Variants in SUSD6 observed in about 807,000 individuals in gnomAD.
SUSD6 encodes sushi domain containing 6, also known as sushi domain-containing protein 6.
Under a neutral mutation model 28.4 loss-of-function variants are expected in SUSD6, and 16 were observed. The observed-to-expected ratio is 0.56, with a 90% confidence interval of 0.38 to 0.86. SUSD6 has a LOEUF of 0.86. Among genes scored for constraint, SUSD6 ranks in the 40% least tolerant of loss-of-function variants. The pLI is 0.00. For missense variants in SUSD6, 341 were observed against 384.2 expected, an observed-to-expected ratio of 0.89 and a Z score of 0.94; for synonymous variants, 147 against 159.6, an observed-to-expected ratio of 0.92 and a Z score of 0.59.
intron 1 of SUSD6, among the ~76,000 whole-genome samples, chr14:69,646,685 C>CT (rs757438531): frequency 2.0e-4 from 26 of 131,522 alleles, no homozygotes; most frequent in Middle Eastern, 4.1e-3. Context: ...AAAACTTAGG[C>CT]TTTTTTTTTT....
intron 1 of SUSD6, among the ~76,000 whole-genome samples, chr14:69,646,322 A>T (rs942469688): frequency 2.0e-5 from 3 of 152,078 alleles, no homozygotes; most frequent in Non-Finnish European, 4.4e-5. Flanking sequence ...TATGCCCATT[A>T]TAAGTTAGCA....
intron 3 of SUSD6, 89 bp from the exon 4 acceptor site, chr14:69,704,515 G>T: frequency 7.4e-7 from 1 of 1,346,914 alleles, no homozygotes; most frequent in South Asian, 1.4e-5. Context: ...CACCATTCAG[G>T]AGGCATTTGA....
At chr14:69,613,482 G>A (rs1884912460) in intron 1 of SUSD6, among the ~76,000 whole-genome samples, 1 of 152,190 alleles carries the variant, frequency 6.6e-6, no homozygotes, top group Non-Finnish European at 1.5e-5. Flanking sequence ...CACACTTACG[G>A]TATGTTTGCA....
chr14:69,659,416 T>TA (rs1885630547), intron 2 of SUSD6, among the ~76,000 whole-genome samples: 1 of 152,246 alleles, frequency 6.6e-6, no homozygotes, highest in Admixed American at 6.5e-5. Context: ...TGCCCCTCAG[T>TA]AAATGCTTTG....
intron 1 of SUSD6, among the ~76,000 whole-genome samples, chr14:69,651,231 G>A (rs543184073): frequency 6.6e-6 from 1 of 152,288 alleles, no homozygotes; most frequent in East Asian, 1.9e-4. Flanking sequence ...CTGCTGTTAG[G>A]TGCTAGAGAC....
At chr14:69,631,380 C>T (rs1566590636) in intron 1 of SUSD6, among the ~76,000 whole-genome samples, 1 of 152,178 alleles carries the variant, frequency 6.6e-6, no homozygotes, top group Non-Finnish European at 1.5e-5. Context: ...GAATAAATTT[C>T]AACTCTACCA....
chr14:69,663,941 A>G (rs1426945243), intron 2 of SUSD6, among the ~76,000 whole-genome samples: 1 of 151,048 alleles, frequency 6.6e-6, no homozygotes, highest in East Asian at 1.9e-4. Context: ...TACAAGAGTC[A>G]TCTCTGGGTC....
At chr14:69,702,430 G>C (rs565956797) in intron 2 of SUSD6, among the ~76,000 whole-genome samples, 7 of 152,162 alleles carry the variant, frequency 4.6e-5, no homozygotes, top group Non-Finnish European at 8.8e-5. Context: ...GGTCCACTCA[G>C]ACCTTCCAGA....
At chr14:69,674,844 C>T (rs993843065) in intron 2 of SUSD6, among the ~76,000 whole-genome samples, 6 of 152,316 alleles carry the variant, frequency 3.9e-5, no homozygotes, top group African/African-American at 1.4e-4. Flanking sequence ...CTTAGCCCCT[C>T]TGATCCAGCC....
chr14:69,697,961 C>G (rs1475986807), intron 2 of SUSD6, among the ~76,000 whole-genome samples: 2 of 152,324 alleles, frequency 1.3e-5, no homozygotes, highest in South Asian at 2.1e-4. Context: ...CAGACCCCAA[C>G]AGAGGATTCT....
intron 1 of SUSD6, among the ~76,000 whole-genome samples, chr14:69,632,747 A>G (rs748247596): frequency 6.6e-6 from 1 of 152,116 alleles, no homozygotes; most frequent in Non-Finnish European, 1.5e-5. Flanking sequence ...GACTGACCCT[A>G]GCATTTGGTG....
In SUSD6 at chr14:69,639,276, C is replaced by T. The variant is rs1249142936; in HGVS notation, c.-80-19237C>T. Among the ~76,000 whole-genome samples, 23 of 115,282 alleles carry T rather than the reference C, an allele frequency of 2.0e-4. No individual in the cohort carries two copies. The Admixed American group carries it at 2.2e-3, about 11-fold the overall frequency. The allele number at this position is 115,282 out of a possible 152,430, so 75.6% of individuals were successfully genotyped here. A position where few individuals can be genotyped will look rare whatever the true frequency, so the allele number is the denominator to read the frequency against. ...CCGGGAGGCGGAGCTTGCAGTGAGC[C>T]GGGATCCAGCCTGGGCAACACAGCG... On this transcript the variant is annotated intron_variant, in intron 1 of 5. Transcript: ENST00000342745.
intron 2 of SUSD6, among the ~76,000 whole-genome samples, chr14:69,698,519 T>C (rs1428092788): frequency 6.6e-6 from 1 of 152,232 alleles, no homozygotes; most frequent in East Asian, 1.9e-4. Context: ...CTGGGGCCTT[T>C]CCTGGAGCTT....
chr14:69,694,468 C>T (rs1886195525), intron 2 of SUSD6, among the ~76,000 whole-genome samples: 1 of 152,210 alleles, frequency 6.6e-6, no homozygotes, highest in African/African-American at 2.4e-5. Flanking sequence ...AGCTGGTAAG[C>T]TCCACCCTGT....
At chr14:69,689,054 T>C (rs180922231) in intron 2 of SUSD6, among the ~76,000 whole-genome samples, 33 of 152,278 alleles carry the variant, frequency 2.2e-4, no homozygotes, top group Non-Finnish European at 4.7e-4. Flanking sequence ...GTTTGTGCCT[T>C]TATGTCCCCC....
At chr14:69,687,860 CTTTTTTTTCTTTTTG>C (rs1217644101) in intron 2 of SUSD6, among the ~76,000 whole-genome samples, 2 of 151,890 alleles carry the variant, frequency 1.3e-5, no homozygotes, top group Non-Finnish European at 1.5e-5. Flanking sequence ...CAATTAGATG[CTTTTTTTTCTTTTTG>C]TTTTTTTTCT....
chr14:69,669,588 G>T (rs767012512), intron 2 of SUSD6, among the ~76,000 whole-genome samples: 2 of 152,192 alleles, frequency 1.3e-5, no homozygotes, highest in African/African-American at 2.4e-5. Context: ...CTCTACGTCT[G>T]TTTCTAAAGA....
At position 69,704,493 on chromosome 14, in the gene SUSD6, A is replaced by C. The variant is rs553589012; in HGVS notation, c.320-111A>C. 70 of 1,028,978 alleles carry C rather than the reference A, an allele frequency of 6.8e-5. No homozygotes were observed. In the African/African-American group the frequency reaches 1.1e-3, roughly 16 times the overall value. 63.7% of individuals were successfully genotyped at this position (1,028,978 alleles called of 1,614,324 possible). ...TTCCTGAAATGACCCTGACCGTAGG[A>C]TGTCTGTATTGCACCATTCAGGAGG... On this transcript the variant is annotated intron_variant, in intron 3 of 5. Coordinates refer to ENST00000342745, the MANE Select transcript of SUSD6 (RefSeq NM_014734.4).
At chr14:69,632,287 G>A (rs1292306836) in intron 1 of SUSD6, among the ~76,000 whole-genome samples, 1 of 152,130 alleles carries the variant, frequency 6.6e-6, no homozygotes, top group Non-Finnish European at 1.5e-5. Flanking sequence ...GAGGGGTCAG[G>A]CTTCAGAGGG....
Sources: allele counts gnomAD v4.1 joint callset (sites outside exome capture counted in the v4.1 genomes callset), GRCh38; gene constraint gnomAD v4.1.1; transcripts MANE v1.5; gene names NCBI Gene and HGNC (gene_info 2026-07-23, HGNC 2026-07-21).